Variants in MAP4K5 observed in about 807,000 individuals in gnomAD.
MAP4K5 encodes the protein mitogen-activated protein kinase kinase kinase kinase 5, also known as MAPK/ERK kinase kinase kinase 5.
A neutral mutation model predicts 135.6 loss-of-function variants in MAP4K5; 82 were observed. That is an observed-to-expected ratio of 0.60 (90% CI 0.51 to 0.73). MAP4K5 has a LOEUF of 0.73. MAP4K5 is among the 30% of genes least tolerant of loss of function. The probability of loss-of-function intolerance (pLI) is 0.00; values close to 1 mark genes in which losing one functional copy is unlikely to be tolerated. For synonymous variants in MAP4K5, 347 were observed against 335.0 expected, an observed-to-expected ratio of 1.04 and a Z score of -0.39; for missense variants, 907 against 1,010.9, an observed-to-expected ratio of 0.90 and a Z score of 1.39.
Position 50,429,184 on chromosome 14 carries a change from G to A in MAP4K5, c.2233+8C>T, listed in dbSNP as rs1199208486. On this transcript the variant is annotated splice_region_variant and intron_variant, in intron 29 of 32. Transcript: ENST00000682126. Reference sequence around the variant, plus strand: ...TATACTCAAAATAAAATTAAAAATAGTACTTACTGTCTAAACACACTAAAA... The same window carrying A: ...TATACTCAAAATAAAATTAAAAATAATACTTACTGTCTAAACACACTAAAA... 1.4e-5 allele frequency: 21 copies of A among 1,482,162 alleles called. No homozygotes were observed. Among genetic ancestry groups the A allele is most frequent in the Admixed American group, 4.2e-5 (2 of 48,180 alleles). 91.8% of individuals were successfully genotyped at this position (1,482,162 alleles called of 1,614,324 possible).
chr14:50,495,047 G>C (rs1249335093), intron 3 of MAP4K5, among the ~76,000 whole-genome samples: 1 of 152,110 alleles, frequency 6.6e-6, no homozygotes, highest in Non-Finnish European at 1.5e-5. Flanking sequence ...GATACCAAAA[G>C]CACAGGCAAC....
chr14:50,428,550 T>A, intron 30 of MAP4K5, 112 bp downstream of exon 30: 1 of 619,592 alleles, frequency 1.6e-6, no homozygotes, highest in South Asian at 2.5e-5. Context: ...AACATTTCTA[T>A]CTTTACAGAA....
chr14:50,487,907 C>T (rs1181464999), intron 3 of MAP4K5, among the ~76,000 whole-genome samples: 1 of 152,134 alleles, frequency 6.6e-6, no homozygotes, highest in Non-Finnish European at 1.5e-5. Context: ...TTCCCTCAAA[C>T]TGGCTAAATT....
At chr14:50,477,111 T>G (rs2037119179) in intron 6 of MAP4K5, among the ~76,000 whole-genome samples, 1 of 152,248 alleles carries the variant, frequency 6.6e-6, no homozygotes, top group South Asian at 2.1e-4. Flanking sequence ...TCTTCTGGTT[T>G]GTGAACATGG....
chr14:50,460,475 T>A (rs1282218353), intron 13 of MAP4K5, among the ~76,000 whole-genome samples: 1 of 152,214 alleles, frequency 6.6e-6, no homozygotes, highest in East Asian at 1.9e-4. Flanking sequence ...TTTACATAAC[T>A]AGTGAAAGGC....
intron 23 of MAP4K5, among the ~76,000 whole-genome samples, chr14:50,439,260 AAGCAATC>A (rs2036169186): frequency 6.6e-6 from 1 of 151,486 alleles, no homozygotes; most frequent in South Asian, 2.1e-4. Flanking sequence ...ACCAAAATGA[AAGCAATC>A]AGCAAACTTC....
At chr14:50,484,845 T>A (rs1227192295) in intron 5 of MAP4K5, among the ~76,000 whole-genome samples, 1 of 152,186 alleles carries the variant, frequency 6.6e-6, no homozygotes, top group Non-Finnish European at 1.5e-5. Context: ...GTTTCCAATA[T>A]AAAGATTTCA....
At chr14:50,559,905 C>G (rs919042322) in intron 1 of MAP4K5, 10 of 341,708 alleles carry the variant, frequency 2.9e-5, no homozygotes, top group Non-Finnish European at 5.6e-5. Context: ...TCTGATAACG[C>G]TGTTAAATTC....
chr14:50,496,784 A>C (rs886186978), intron 3 of MAP4K5, among the ~76,000 whole-genome samples: 2 of 151,976 alleles, frequency 1.3e-5, no homozygotes, highest in Non-Finnish European at 2.9e-5. Flanking sequence ...TGCTGAGACT[A>C]CAACAGGTGT....
At chr14:50,525,983 C>T (rs1011711569) in intron 2 of MAP4K5, among the ~76,000 whole-genome samples, 14 of 152,174 alleles carry the variant, frequency 9.2e-5, no homozygotes, top group African/African-American at 3.4e-4. Context: ...GAAATGACAT[C>T]TCTGCCAGAT....
chr14:50,443,816 A>T (rs1180506901), intron 19 of MAP4K5, 46 bp from the exon 20 acceptor site: 1 of 1,556,684 alleles, frequency 6.4e-7, no homozygotes. Flanking sequence ...CCTAAGTCTT[A>T]AAAAGAAACT....
At chr14:50,431,613 T>C (rs1026654293) in intron 28 of MAP4K5, among the ~76,000 whole-genome samples, 1 of 152,048 alleles carries the variant, frequency 6.6e-6, no homozygotes, top group Non-Finnish European at 1.5e-5. Context: ...CAGTATTCCA[T>C]GGTGTATATG....
chr14:50,461,962 T>C (rs1250574929), intron 13 of MAP4K5, among the ~76,000 whole-genome samples: 2 of 151,978 alleles, frequency 1.3e-5, no homozygotes, highest in African/African-American at 4.8e-5. Context: ...CTATAATGTT[T>C]TCAGAGAAGG....
chr14:50,451,928 T>C (rs1282079695), intron 14 of MAP4K5, among the ~76,000 whole-genome samples: 1 of 152,186 alleles, frequency 6.6e-6, no homozygotes, highest in Non-Finnish European at 1.5e-5. Flanking sequence ...AGGCTTGACT[T>C]ACAAGTTTTC....
intron 2 of MAP4K5, among the ~76,000 whole-genome samples, chr14:50,514,532 G>C (rs1176762874): frequency 6.6e-6 from 1 of 152,142 alleles, no homozygotes; most frequent in Non-Finnish European, 1.5e-5. Flanking sequence ...ACAGAAAAGG[G>C]AAGAGTAAAT....
intron 1 of MAP4K5, among the ~76,000 whole-genome samples, chr14:50,548,955 T>G (rs2038668299): frequency 6.6e-6 from 1 of 151,834 alleles, no homozygotes; most frequent in Admixed American, 6.6e-5. Context: ...CCATAAAAGG[T>G]GGGTGGAAGG....
At chr14:50,542,461 TAAAAAAATAA>T (rs1242679567) in intron 2 of MAP4K5, 1 of 152,008 alleles carries the variant, frequency 6.6e-6, no homozygotes, top group East Asian at 1.9e-4. Context: ...AAAGTAAAAT[TAAAAAAATAA>T]AAGAAAATAA....
At chr14:50,541,158 A>T (rs998071367) in intron 2 of MAP4K5, among the ~76,000 whole-genome samples, 1 of 152,248 alleles carries the variant, frequency 6.6e-6, no homozygotes, top group Non-Finnish European at 1.5e-5. Flanking sequence ...TTGCTTTCAC[A>T]TGATTGCAAC....
chr14:50,474,283 C>T (rs779019143), intron 9 of MAP4K5, among the ~76,000 whole-genome samples: 30 of 151,470 alleles, frequency 2.0e-4, no homozygotes, highest in African/African-American at 4.6e-4. Context: ...TCAGCTATTT[C>T]GGGGGCTGAA....
Sources: allele counts gnomAD v4.1 joint callset (sites outside exome capture counted in the v4.1 genomes callset), GRCh38; gene constraint gnomAD v4.1.1; transcripts MANE v1.5; gene names NCBI Gene and HGNC (gene_info 2026-07-23, HGNC 2026-07-21).